Variants in DDX46 observed in about 807,000 individuals in gnomAD.
DDX46 encodes DEAD-box helicase 46, also known as probable ATP-dependent RNA helicase DDX46.
In DDX46, 30 loss-of-function variants were observed where a neutral mutation model predicts 134.9. The ratio of observed to expected loss-of-function variants is 0.22; its 90% CI spans 0.17 to 0.30. DDX46 has a LOEUF of 0.30. Ranked by LOEUF, DDX46 falls within the 10% of genes least tolerant of loss-of-function variation. The pLI is 1.00. For missense variants in DDX46, 622 were observed against 1,248.7 expected, an observed-to-expected ratio of 0.50 and a Z score of 7.56; for synonymous variants, 415 against 404.1, an observed-to-expected ratio of 1.03 and a Z score of -0.32.
In DDX46 at chr5:134,826,979, G is replaced by A. The variant is rs1755608658; in HGVS notation, c.3010G>A (p.Ala1004Thr). 1.2e-6 allele frequency: 2 copies of A among 1,613,514 alleles called. No homozygotes were observed. Among genetic ancestry groups the A allele is most frequent in the Non-Finnish European group, 1.7e-6 (2 of 1,179,794 alleles). The change falls in exon 22 of 23, where the codon GCA becomes ACA. Residue 1004 changes from alanine (A) to threonine (T), a missense_variant. By Grantham distance (58) the Ala-to-Thr change is moderately conservative. Transcript: ENST00000452510. ...TGAACTGGCTGTGCAGAAAGCAAAG[G>A]CAGAAATCACCAGGCTCATAAAAGA... ...ANELAVQKAK[A>T]EITRLIKEEL...
At chr5:134,809,789 A>C (rs1050012896) in intron 16 of DDX46, among the ~76,000 whole-genome samples, 1 of 152,028 alleles carries the variant, frequency 6.6e-6, no homozygotes, top group South Asian at 2.1e-4. Context: ...CGGGCGGATC[A>C]CCTGAGGTTG....
At chr5:134,778,318 G>A (rs1386277260) in intron 6 of DDX46, among the ~76,000 whole-genome samples, 1 of 151,790 alleles carries the variant, frequency 6.6e-6, no homozygotes, top group Non-Finnish European at 1.5e-5. Context: ...ATGCCCAGCT[G>A]TGTCTTTGAT....
intron 3 of DDX46, among the ~76,000 whole-genome samples, chr5:134,767,931 C>T (rs1049963383): frequency 1.4e-5 from 2 of 145,298 alleles, no homozygotes; most frequent in African/African-American, 5.1e-5. Flanking sequence ...GCCTGGGCAA[C>T]AAGAGTGAAA....
chr5:134,811,461 TA>T, intron 17 of DDX46, 103 bp downstream of exon 17: 2 of 1,442,574 alleles, frequency 1.4e-6, no homozygotes, highest in Non-Finnish European at 1.9e-6. Context: ...AAAATTTTGC[TA>T]CGACTATTTT....
chr5:134,828,584 TG>T (rs1755650689), intron 22 of DDX46, 74 bp from the exon 23 acceptor site: 1 of 972,848 alleles, frequency 1.0e-6, no homozygotes, highest in South Asian at 2.7e-5. Context: ...TTTGGTTGGT[TG>T]GTTGGTTCGT....
At chr5:134,785,883 C>T (rs979312105) in intron 11 of DDX46, among the ~76,000 whole-genome samples, 1 of 151,442 alleles carries the variant, frequency 6.6e-6, no homozygotes, top group East Asian at 1.9e-4. Context: ...GAGTCTCGCT[C>T]TGTCACACAG....
intron 1 of DDX46, among the ~76,000 whole-genome samples, chr5:134,763,426 T>C (rs2150128108): frequency 6.6e-6 from 1 of 152,332 alleles, no homozygotes; most frequent in Admixed American, 6.5e-5. Flanking sequence ...TAGCCACAAC[T>C]GGCATCCTTG....
rs1013268354 is a variant in DDX46, at chr5:134,796,290, G to A, written c.1954+140G>A. 1.8e-5 allele frequency: 16 copies of A among 892,944 alleles called. No homozygotes were observed. The Admixed American group carries it at 4.5e-4, about 25-fold the overall frequency. 55.3% of individuals were successfully genotyped at this position (892,944 alleles called of 1,614,324 possible). A position where few individuals can be genotyped will look rare whatever the true frequency, so the allele number is the denominator to read the frequency against. On this transcript the variant is annotated intron_variant, in intron 15 of 22. Transcript: ENST00000452510. The stretch of plus-strand genomic sequence containing the variant: ...CAGTTTTTACTCTAAAGTGCTTTGT[G>A]GGAGTAAGATTATTATTGTCTCATC...
intron 20 of DDX46, among the ~76,000 whole-genome samples, chr5:134,818,097 G>A (rs1755331834): frequency 6.6e-6 from 1 of 151,758 alleles, no homozygotes; most frequent in Non-Finnish European, 1.5e-5. Flanking sequence ...TTACAGGCAT[G>A]CGCCACCATG....
At chr5:134,812,058 CCTT>C (rs1271873898) in intron 18 of DDX46, among the ~76,000 whole-genome samples, 9 of 140,174 alleles carry the variant, frequency 6.4e-5, no homozygotes, top group African/African-American at 2.1e-4. Flanking sequence ...TGTGAAAAGT[CCTT>C]TTTTTTTTTT....
At chr5:134,817,272 G>A (rs1755310960) in intron 19 of DDX46, 1 of 488,774 alleles carries the variant, frequency 2.0e-6, no homozygotes, top group African/African-American at 2.0e-5. Flanking sequence ...ATATTTAATA[G>A]AGTTGAATGT....
At chr5:134,792,422 G>A (rs1423814280) in intron 13 of DDX46, among the ~76,000 whole-genome samples, 5 of 152,012 alleles carry the variant, frequency 3.3e-5, no homozygotes, top group South Asian at 2.1e-4. Context: ...GAGCGGGGGC[G>A]GATATACTGA....
In DDX46 at chr5:134,829,505, G is replaced by T. The variant is rs1272602623; in HGVS notation, c.*799G>T. ...GTTTATTTATATATCTATACATGTT[G>T]TATGTACAAATATCCTACTACTTTT... On this transcript the variant is annotated 3_prime_UTR_variant, in exon 23 of 23. Coordinates refer to ENST00000452510, the MANE Select transcript of DDX46 (RefSeq NM_001300860.2). 2.0e-5 allele frequency: 3 copies of T among 152,030 alleles called. No homozygotes were observed. The highest frequency in any genetic ancestry group is 4.4e-5 in the Non-Finnish European group (3 of 68,006). 9.4% of individuals were successfully genotyped at this position (152,030 alleles called of 1,614,324 possible). A position where few individuals can be genotyped will look rare whatever the true frequency, so the allele number is the denominator to read the frequency against.
intron 19 of DDX46, 195 bp from the exon 20 acceptor site, chr5:134,817,301 A>G (rs1467745278): frequency 1.8e-6 from 1 of 545,974 alleles, no homozygotes; most frequent in Non-Finnish European, 3.1e-6. Flanking sequence ...TTTCTTATCC[A>G]CTAGGAGGTA....
chr5:134,762,681 T>G (rs1022596652), intron 1 of DDX46, among the ~76,000 whole-genome samples: 1 of 151,006 alleles, frequency 6.6e-6, no homozygotes, highest in Non-Finnish European at 1.5e-5. Flanking sequence ...TGCAGTGAGC[T>G]GAGATGGTGC....
intron 4 of DDX46, among the ~76,000 whole-genome samples, chr5:134,771,688 C>A (rs1044281438): frequency 1.3e-5 from 2 of 151,280 alleles, no homozygotes; most frequent in African/African-American, 4.9e-5. Flanking sequence ...GGTGACAGAG[C>A]AAGACTCTGT....
chr5:134,822,300 A>G (rs1020171457), intron 21 of DDX46, among the ~76,000 whole-genome samples: 2 of 152,044 alleles, frequency 1.3e-5, no homozygotes, highest in Non-Finnish European at 2.9e-5. Flanking sequence ...ATACAGTCCC[A>G]TCTATTTTTT....
chr5:134,822,144 G>T (rs778806317), intron 21 of DDX46, among the ~76,000 whole-genome samples: 2 of 152,170 alleles, frequency 1.3e-5, no homozygotes, highest in Non-Finnish European at 2.9e-5. Flanking sequence ...CTCCCAAAGT[G>T]CAGGGATTAC....
At chr5:134,759,984 G>T (rs1753328114) in intron 1 of DDX46, among the ~76,000 whole-genome samples, 1 of 152,038 alleles carries the variant, frequency 6.6e-6, no homozygotes, top group Non-Finnish European at 1.5e-5. Flanking sequence ...GCCCATTCTG[G>T]TTGTCCCTGA....
Sources: gnomAD v4.1 joint callset for allele counts (sites outside exome capture counted in the v4.1 genomes callset) on GRCh38, gnomAD v4.1.1 for gene constraint, MANE v1.5 for transcripts, NCBI Gene and HGNC (gene_info 2026-07-23, HGNC 2026-07-21) for gene names.